The following GMPR variants were observed in gnomAD, a reference collection of about 807,000 sequenced individuals.
GMPR encodes guanosine monophosphate reductase.
Under a neutral mutation model 38.4 loss-of-function variants are expected in GMPR, and 31 were observed. That is an observed-to-expected ratio of 0.81 (90% confidence interval 0.61 to 1.09). The LOEUF is 1.09. Among genes scored for constraint, GMPR ranks in the 50% least tolerant of loss-of-function variants. The pLI is 0.00. For missense variants in GMPR, 468 were observed against 453.7 expected (o/e 1.03, Z -0.29); for synonymous variants, 162 against 173.3 (o/e 0.93, Z 0.51).
chr6:16,254,477 C>G (rs1375716039), intron 3 of GMPR, 85 bp from the exon 4 acceptor site: 2 of 1,172,828 alleles, frequency 1.7e-6, no homozygotes, highest in African/African-American at 3.0e-5. Context: ...GTTGTACTGT[C>G]CCAGAATAGG....
intron 6 of GMPR, among the ~76,000 whole-genome samples, chr6:16,284,643 CT>C (rs1303304793): frequency 2.0e-5 from 3 of 152,202 alleles, no homozygotes; most frequent in Non-Finnish European, 4.4e-5. Context: ...TGTTGCTGTC[CT>C]TTTGCCCCTT....
At chr6:16,292,300 G>T (rs942738829) in intron 8 of GMPR, among the ~76,000 whole-genome samples, 2 of 152,074 alleles carry the variant, frequency 1.3e-5, no homozygotes, top group African/African-American at 4.8e-5. Context: ...TAGGTGGGGG[G>T]ATTGGGGGGA....
At chr6:16,292,897 T>C (rs1173516468) in intron 8 of GMPR, among the ~76,000 whole-genome samples, 1 of 152,226 alleles carries the variant, frequency 6.6e-6, no homozygotes, top group Non-Finnish European at 1.5e-5. Context: ...GTAGCAAGAC[T>C]CAGTTCTGAA....
chr6:16,295,307 T>C lies in GMPR; in HGVS notation c.*121T>C, dbSNP rs563414594. 7 of 728,072 alleles carry C rather than the reference T, an allele frequency of 9.6e-6. No individual in the cohort carries two copies. Among genetic ancestry groups the C allele is most frequent in the Middle Eastern group, 4.0e-4 (1 of 2,476 alleles). 45.1% of individuals were successfully genotyped at this position (728,072 alleles called of 1,614,324 possible). On this transcript the variant is annotated 3_prime_UTR_variant, in exon 9 of 9. Transcript: ENST00000259727. ...TCCTGAATGGTGGAATGCTGTGTCC[T>C]CTCTTCTGTCTCCTGCTGCCTGGAG...
chr6:16,238,814 AT>A (rs749182206), intron 1 of GMPR, 34 bp downstream of exon 1: 433 of 1,266,962 alleles, frequency 3.4e-4, no homozygotes, highest in South Asian at 8.6e-4. Context: ...GTGGGGTGGG[AT>A]TTTTTTTTCC....
intron 4 of GMPR, among the ~76,000 whole-genome samples, chr6:16,255,688 G>A (rs553241921): frequency 3.9e-5 from 6 of 152,262 alleles, no homozygotes; most frequent in Admixed American, 2.6e-4. Context: ...AACCTGTATT[G>A]TAATTATGCA....
chr6:16,271,825 C>T (rs1204363459), intron 4 of GMPR, among the ~76,000 whole-genome samples: 1 of 152,142 alleles, frequency 6.6e-6, no homozygotes, highest in East Asian at 1.9e-4. Flanking sequence ...TTTTTTCATA[C>T]ACACATACAC....
intron 4 of GMPR, among the ~76,000 whole-genome samples, chr6:16,269,815 A>G (rs1561829403): frequency 6.6e-6 from 1 of 152,196 alleles, no homozygotes; most frequent in Non-Finnish European, 1.5e-5. Context: ...ATAAATAAAT[A>G]ATACAAATCA....
chr6:16,246,797 G>A lies in GMPR; in HGVS notation c.88-45G>A, dbSNP rs370278724. Reference sequence around the variant, plus strand: ...TCTGCACATTTCACATAAGAGCAAAGCACTCATTTCTTTCCCTTTTTCTTT... The same window carrying A: ...TCTGCACATTTCACATAAGAGCAAAACACTCATTTCTTTCCCTTTTTCTTT... On this transcript the variant is annotated intron_variant, in intron 1 of 8. Coordinates refer to ENST00000259727, the MANE Select transcript of GMPR (RefSeq NM_006877.4). The A allele has an allele frequency of 6.3e-6, 10 of 1,589,966 alleles. No homozygotes were observed. The East Asian group carries it at 6.7e-5, about 11-fold the overall frequency.
intron 3 of GMPR, among the ~76,000 whole-genome samples, chr6:16,250,752 CAG>C (rs1758856186): frequency 6.6e-6 from 1 of 152,012 alleles, no homozygotes; most frequent in East Asian, 1.9e-4. Flanking sequence ...ATCAAAAAGA[CAG>C]ATAATAGCCA....
At chr6:16,288,269 G>A (rs1299816813) in intron 7 of GMPR, among the ~76,000 whole-genome samples, 2 of 152,258 alleles carry the variant, frequency 1.3e-5, no homozygotes, top group Non-Finnish European at 2.9e-5. Flanking sequence ...AGGCGCGAGT[G>A]GCAACCGAGG....
chr6:16,295,491 T>G lies in GMPR; in HGVS notation c.*305T>G, dbSNP rs1241645177. 3.8e-6 allele frequency: 1 copy of G among 266,638 alleles called. No homozygotes were observed. Among genetic ancestry groups the G allele is most frequent in the Non-Finnish European group, 7.0e-6 (1 of 143,430 alleles). 16.5% of individuals were successfully genotyped at this position (266,638 alleles called of 1,614,324 possible). A position where few individuals can be genotyped will look rare whatever the true frequency, so the allele number is the denominator to read the frequency against. The stretch of plus-strand genomic sequence containing the variant: ...TTCTCTCTCCCTTTCTTTGTTTTTC[T>G]TTCTTTTTTAAAAGAAGATGGTTTC... On this transcript the variant is annotated 3_prime_UTR_variant, in exon 9 of 9. Transcript: ENST00000259727.
intron 1 of GMPR, among the ~76,000 whole-genome samples, chr6:16,241,162 A>G (rs972588325): frequency 6.6e-6 from 1 of 152,186 alleles, no homozygotes; most frequent in Admixed American, 6.5e-5. Context: ...TGAAGGGTAG[A>G]TGACCGACAT....
chr6:16,278,446 T>G (rs924405784), intron 5 of GMPR, among the ~76,000 whole-genome samples: 1 of 142,460 alleles, frequency 7.0e-6, no homozygotes, highest in African/African-American at 2.6e-5. Flanking sequence ...TGGAAAGGAG[T>G]GGGTGTTTAA....
intron 4 of GMPR, among the ~76,000 whole-genome samples, chr6:16,266,743 G>A (rs1001617329): frequency 1.3e-5 from 2 of 151,268 alleles, no homozygotes; most frequent in Non-Finnish European, 2.9e-5. Context: ...CCTGGGAGGG[G>A]GAGCTTGACG....
At chr6:16,282,720 CCTTT>C (rs1330950553) in intron 6 of GMPR, among the ~76,000 whole-genome samples, 2 of 152,220 alleles carry the variant, frequency 1.3e-5, no homozygotes, top group African/African-American at 4.8e-5. Context: ...TACCATCCTT[CCTTT>C]GTTTTAGGAA....
intron 4 of GMPR, among the ~76,000 whole-genome samples, chr6:16,265,629 A>G (rs1406203534): frequency 3.4e-5 from 5 of 145,202 alleles, no homozygotes; most frequent in African/African-American, 4.9e-5. Flanking sequence ...CGCTGTGTCT[A>G]GCTAAAGCAG....
intron 7 of GMPR, chr6:16,289,870 TTTTTTTTTTTTTTTTG>T (rs1759801761): frequency 7.4e-6 from 1 of 135,726 alleles, no homozygotes; most frequent in African/African-American, 2.9e-5. Flanking sequence ...TTTTTTTTTT[TTTTTTTTTTTTTTTTG>T]TGAGACGGAG....
At chr6:16,265,830 G>A (rs912684335) in intron 4 of GMPR, among the ~76,000 whole-genome samples, 37 of 151,546 alleles carry the variant, frequency 2.4e-4, no homozygotes, top group South Asian at 2.1e-4. Context: ...CGCCATGGAG[G>A]TTTTCTTCGT....
Sources: gnomAD v4.1 joint callset for allele counts (sites outside exome capture counted in the v4.1 genomes callset) on GRCh38, gnomAD v4.1.1 for gene constraint, MANE v1.5 for transcripts, NCBI Gene and HGNC (gene_info 2026-07-23, HGNC 2026-07-21) for gene names.